ADCY3: variants seen among roughly 807,000 people sequenced by gnomAD.
The protein encoded by ADCY3 is adenylate cyclase 3.
Under a neutral mutation model 119.4 loss-of-function variants are expected in ADCY3, and 70 were observed. The ratio of observed to expected loss-of-function variants is 0.59; its 90% CI spans 0.48 to 0.72. The LOEUF is 0.72. Among genes scored for constraint, ADCY3 ranks in the 30% least tolerant of loss-of-function variants. The pLI is 0.00. For missense variants in ADCY3, 1,238 were observed against 1,541.6 expected (o/e 0.80, Z 3.30); for synonymous variants, 672 against 621.4 (o/e 1.08, Z -1.21).
In ADCY3 at chr2:24,834,390, C is replaced by CA; in HGVS notation, c.1967+94dup. 1 of 1,436,708 alleles carries CA rather than the reference C, an allele frequency of 7.0e-7. No homozygotes were observed. Among genetic ancestry groups the CA allele is most frequent in the Non-Finnish European group, 9.3e-7 (1 of 1,072,342 alleles). The allele number at this position is 1,436,708 out of a possible 1,614,324, so 89.0% of individuals were successfully genotyped here. A position where few individuals can be genotyped will look rare whatever the true frequency, so the allele number is the denominator to read the frequency against. ...AGGGAGCAGAGACTGGCTTGCTCCC[C>CA]AATGTCAGGCTCCCGCTGAGACACC... On this transcript the variant is annotated intron_variant, in intron 11 of 21. Coordinates refer to ENST00000679454, the MANE Select transcript of ADCY3 (RefSeq NM_004036.5). This position sits in a 1 kb window ranked among gnomAD's most constrained non-coding sequence, Gnocchi z 4.2.
Position 24,841,819 on chromosome 2 carries a change from T to A in ADCY3, c.957-152A>T. Reference sequence around the variant, plus strand: ...CCCCAGACAGTGAGACCCTGACCCTTCCAGGTAAAGTCAGGGCTCTGACCT... The same window carrying A: ...CCCCAGACAGTGAGACCCTGACCCTACCAGGTAAAGTCAGGGCTCTGACCT... On this transcript the variant is annotated intron_variant, in intron 4 of 21. Transcript: ENST00000679454. The surrounding 1 kb of genome is among the most constrained non-coding windows in gnomAD (Gnocchi z 5.8). 1 of 641,918 alleles carries A rather than the reference T, an allele frequency of 1.6e-6. No individual in the cohort carries two copies. The highest frequency in any genetic ancestry group is 2.7e-5 in the East Asian group (1 of 36,466). The allele number at this position is 641,918 out of a possible 1,614,324, so 39.8% of individuals were successfully genotyped here. A position where few individuals can be genotyped will look rare whatever the true frequency, so the allele number is the denominator to read the frequency against.
At chr2:24,850,683 C>G (rs569397377) in intron 3 of ADCY3, among the ~76,000 whole-genome samples, 2 of 152,314 alleles carry the variant, frequency 1.3e-5, no homozygotes, top group African/African-American at 4.8e-5. Context: ...AAAAGATATA[C>G]GTAGAAGGTG....
chr2:24,862,609 G>A (rs940000425), intron 3 of ADCY3, among the ~76,000 whole-genome samples: 6 of 151,854 alleles, frequency 4.0e-5, no homozygotes, highest in African/African-American at 1.5e-4. Context: ...CGGGTCCCAA[G>A]TTTTCTTTTG....
Position 24,820,094 on chromosome 2 carries a change from G to T in ADCY3, c.3273C>A (p.Val1091=), listed in dbSNP as rs145887939. The change falls in exon 22 of 22, where the codon GTC becomes GTA. Residue 1091 remains valine (V), a synonymous_variant. Transcript: ENST00000679454. ...GNIQVVEETQ[V]ILREYGFRFV... ...AGCGGAAGCCGTACTCTCGGAGGAT[G>T]ACTTGGGTTTCTTCTACCACCTGGA... 1.0e-5 allele frequency: 16 copies of T among 1,548,182 alleles called. No individual in the cohort carries two copies. Among genetic ancestry groups the T allele is most frequent in the Non-Finnish European group, 1.3e-5 (15 of 1,146,216 alleles).
Position 24,862,414 on chromosome 2 carries a change from C to T in ADCY3, c.825+10156G>A, listed in dbSNP as rs141068282. ...ACAAAATATTTGCCGGGCATGGTGG[C>T]GGGCACCTGTAGTCCCAGCTACACG... On this transcript the variant is annotated intron_variant, in intron 3 of 21. Coordinates refer to ENST00000679454, the MANE Select transcript of ADCY3 (RefSeq NM_004036.5). 4.8e-3 allele frequency among the ~76,000 whole-genome samples: 723 copies of T among 152,062 alleles called. 7 individuals carry two copies. The highest frequency in any genetic ancestry group is 0.017 in the African/African-American group (697 of 41,476).
Position 24,834,584 on chromosome 2 carries a change from C to T in ADCY3, c.1868G>A (p.Arg623His), listed in dbSNP as rs767195896. 8 of 1,614,096 alleles carry T rather than the reference C, an allele frequency of 5.0e-6. No individual in the cohort carries two copies. The highest frequency in any genetic ancestry group is 3.3e-5 in the Admixed American group (2 of 60,026). ...CTGCTTCTCCTTCTCCACCGAGTAG[C>T]GGGTTTCCATCTCGGGGTCCATGAA... ...MRFMDPEMET[R>H]YSVEKEKQSG... is the part of the protein sequence containing the mutation. Residue 623 changes from arginine (R) to histidine (H), a missense_variant, in exon 11 of 22, where the codon CGC (arginine) becomes CAC (histidine). By Grantham distance (29) the Arg-to-His change is conservative. Coordinates refer to ENST00000679454, the MANE Select transcript of ADCY3 (RefSeq NM_004036.5). The surrounding 1 kb of genome is among the most constrained non-coding windows in gnomAD (Gnocchi z 4.2).
intron 12 of ADCY3, among the ~76,000 whole-genome samples, chr2:24,831,412 GCCACGGCCCAACAAGGCCCA>G (rs1282091691): frequency 7.2e-5 from 11 of 152,132 alleles, no homozygotes; most frequent in South Asian, 4.1e-4. Flanking sequence ...GTGCTGCAGC[GCCACGGCCCAACAAGGCCCA>G]CCACGGCCCA....
At position 24,830,767 on chromosome 2, in the gene ADCY3, C is replaced by T. The variant is rs1669379187; in HGVS notation, c.2114G>A (p.Arg705Lys). 2 of 1,614,134 alleles carry T rather than the reference C, an allele frequency of 1.2e-6. No individual in the cohort carries two copies. The highest frequency in any genetic ancestry group is 1.7e-5 in the Admixed American group (1 of 60,026). The change falls in exon 13 of 22, where the codon AGG becomes AAG. Residue 705 changes from arginine (R) to lysine (K), a missense_variant. By Grantham distance (26) the Arg-to-Lys change is conservative. Coordinates refer to ENST00000679454, the MANE Select transcript of ADCY3 (RefSeq NM_004036.5). ...GATGGCGAGCATGGCCCAGGTGTTC[C>T]TGGCCCAGCGGGTCCGGTCAATCCA... is the stretch of plus-strand genomic sequence containing the variant. The part of the protein sequence containing the change: ...STWIDRTRWA[R>K]NTWAMLAIFI...
intron 7 of ADCY3, 149 bp from the exon 8 acceptor site, chr2:24,838,771 G>C (rs1006865632): frequency 6.3e-7 from 1 of 1,590,516 alleles, no homozygotes; most frequent in African/African-American, 1.3e-5. Context: ...AGGCAGTTCT[G>C]CCACTAACTA....
Position 24,918,833 on chromosome 2 carries a change from A to C in ADCY3, c.155T>G (p.Phe52Cys). ...NSGSCLCLPR[F>C]MRLTFVPESL... ...CTCCGGCACGAAAGTCAGCCGCATG[A>C]AGCGAGGCAGGCACAGGCAGGAGCC... The change falls in exon 2 of 22, where the codon TTC (phenylalanine) becomes TGC (cysteine). Residue 52 changes from phenylalanine (F) to cysteine (C), a missense_variant. Coordinates refer to ENST00000679454, the MANE Select transcript of ADCY3 (RefSeq NM_004036.5). This position sits in a 1 kb window ranked among gnomAD's most constrained non-coding sequence, Gnocchi z 5.4. 2 of 1,613,686 alleles carry C rather than the reference A, an allele frequency of 1.2e-6. No individual in the cohort carries two copies. The highest frequency in any genetic ancestry group is 1.6e-4 in the Middle Eastern group (1 of 6,062).
intron 13 of ADCY3, among the ~76,000 whole-genome samples, chr2:24,829,522 G>A (rs1669141920): frequency 7.3e-6 from 1 of 137,732 alleles, no homozygotes. Flanking sequence ...CCGGGTTCAC[G>A]CCATTCTCCT....
chr2:24,851,239 G>C (rs113199367), intron 3 of ADCY3, among the ~76,000 whole-genome samples: 11 of 152,082 alleles, frequency 7.2e-5, no homozygotes, highest in African/African-American at 2.4e-4. Context: ...GGCCAGGCAC[G>C]AACCAAGGAG....
At chr2:24,901,170 G>A (rs1306847990) in intron 2 of ADCY3, among the ~76,000 whole-genome samples, 1 of 152,244 alleles carries the variant, frequency 6.6e-6, no homozygotes, top group African/African-American at 2.4e-5. Context: ...GGAGTCCCCA[G>A]AGCCGAGACA....
chr2:24,905,881 T>C (rs540984750), intron 2 of ADCY3, among the ~76,000 whole-genome samples: 35 of 152,312 alleles, frequency 2.3e-4, no homozygotes, highest in African/African-American at 5.5e-4. Flanking sequence ...GGGGAGCTCC[T>C]GGTGGTTCAA....
chr2:24,888,032 G>A (rs1572997281), intron 2 of ADCY3, among the ~76,000 whole-genome samples: 1 of 152,146 alleles, frequency 6.6e-6, no homozygotes, highest in South Asian at 2.1e-4. Flanking sequence ...TGTGTCAATG[G>A]TCCCCAAATT....
intron 19 of ADCY3, 41 bp downstream of exon 19, chr2:24,822,470 G>C (rs759422318): frequency 8.7e-6 from 14 of 1,601,442 alleles, no homozygotes. Context: ...CTCTTGCCTT[G>C]GGGGCAGAGC....
chr2:24,897,594 C>T (rs1409267857), intron 2 of ADCY3, among the ~76,000 whole-genome samples: 2 of 152,202 alleles, frequency 1.3e-5, no homozygotes, highest in Non-Finnish European at 1.5e-5. Context: ...CCCAACTCTA[C>T]CATCACGATG....
intron 13 of ADCY3, 67 bp from the exon 14 acceptor site, chr2:24,828,228 T>C (rs558636041): frequency 1.3e-6 from 2 of 1,579,418 alleles, no homozygotes; most frequent in Admixed American, 3.4e-5. Context: ...CACAGAGGGC[T>C]GTGCATGGTA....
In ADCY3 at chr2:24,840,103, A is replaced by G. The variant is rs552653782; in HGVS notation, c.1197-72T>C. On this transcript the variant is annotated intron_variant, in intron 6 of 21. Coordinates refer to ENST00000679454, the MANE Select transcript of ADCY3 (RefSeq NM_004036.5). Reference sequence around the variant, plus strand: ...GGCAGCCAGCTGCCCCTGCTCCTGCAGGAGAAATTCATTGTGGGCCTCTTC... The same window carrying G: ...GGCAGCCAGCTGCCCCTGCTCCTGCGGGAGAAATTCATTGTGGGCCTCTTC... 41 of 1,543,534 alleles carry G rather than the reference A, an allele frequency of 2.7e-5. No homozygotes were observed. The African/African-American group carries it at 5.2e-4, about 19-fold the overall frequency.
Sources: allele counts gnomAD v4.1 joint callset (sites outside exome capture counted in the v4.1 genomes callset), GRCh38; gene constraint gnomAD v4.1.1; non-coding constraint Gnocchi (gnomAD v3.1); transcripts MANE v1.5; gene names NCBI Gene and HGNC (gene_info 2026-07-23, HGNC 2026-07-21).